EIPR1: variants seen among roughly 807,000 people sequenced by gnomAD.
EIPR1 encodes the protein EARP complex and GARP complex interacting protein 1.
In EIPR1, 25 loss-of-function variants were observed where a neutral mutation model predicts 48.1. That is an observed-to-expected ratio of 0.52 (90% CI 0.38 to 0.73). The LOEUF (loss-of-function observed/expected upper bound fraction) is 0.73. Ranked by LOEUF, EIPR1 falls within the 30% of genes least tolerant of loss-of-function variation. The pLI is 0.00. For synonymous variants in EIPR1, 204 were observed against 201.9 expected, an observed-to-expected ratio of 1.01 and a Z score of -0.09; for missense variants, 415 against 506.2, an observed-to-expected ratio of 0.82 and a Z score of 1.73.
chr2:3,257,114 C>A, intron 4 of EIPR1, among the ~76,000 whole-genome samples, 185 bp downstream of exon 4: 1 of 152,188 alleles, frequency 6.6e-6, no homozygotes, highest in East Asian at 1.9e-4. Context: ...GGCTACATTT[C>A]TGTCAATGCG....
At chr2:3,337,930 G>A (rs1670115468) in intron 3 of EIPR1, 87 bp downstream of exon 3, 1 of 1,421,826 alleles carries the variant, frequency 7.0e-7, no homozygotes, top group Non-Finnish European at 9.5e-7. Context: ...TCAGTCATGT[G>A]TCGACCCATT....
At chr2:3,273,691 TG>T (rs984896015) in intron 3 of EIPR1, among the ~76,000 whole-genome samples, 7 of 152,262 alleles carry the variant, frequency 4.6e-5, no homozygotes, top group Non-Finnish European at 1.0e-4. Flanking sequence ...AAAGAAGTCC[TG>T]GGTTTTGGGC....
At chr2:3,325,283 C>T (rs1000552836) in intron 3 of EIPR1, among the ~76,000 whole-genome samples, 3 of 152,202 alleles carry the variant, frequency 2.0e-5, no homozygotes, top group African/African-American at 4.8e-5. Flanking sequence ...GTGCAGAGCA[C>T]GCCTGATGCT....
intron 3 of EIPR1, among the ~76,000 whole-genome samples, chr2:3,287,949 C>T (rs530176984): frequency 6.6e-6 from 1 of 152,230 alleles, no homozygotes; most frequent in Non-Finnish European, 1.5e-5. Flanking sequence ...GCAGAGGGTA[C>T]TGAGTAAGGA....
intron 4 of EIPR1, among the ~76,000 whole-genome samples, chr2:3,250,828 T>C (rs1181498589): frequency 6.6e-6 from 1 of 152,218 alleles, no homozygotes; most frequent in Non-Finnish European, 1.5e-5. Flanking sequence ...ACAAGTGATG[T>C]CCTGGCTCCC....
chr2:3,341,744 G>A (rs1670258452), intron 2 of EIPR1, among the ~76,000 whole-genome samples: 2 of 152,006 alleles, frequency 1.3e-5, no homozygotes, highest in Non-Finnish European at 2.9e-5. Flanking sequence ...TGGGGGGTAC[G>A]TGGGCGTGGG....
At chr2:3,208,864 C>A in intron 5 of EIPR1, 1 of 1,550,060 alleles carries the variant, frequency 6.5e-7, no homozygotes, top group Non-Finnish European at 8.7e-7. Context: ...TTCCCCGACT[C>A]CAGTGTTCCT....
intron 3 of EIPR1, among the ~76,000 whole-genome samples, chr2:3,328,135 C>T (rs1428690175): frequency 1.3e-5 from 2 of 152,168 alleles, no homozygotes; most frequent in African/African-American, 2.4e-5. Context: ...GTGTTGGCAC[C>T]GTTCCCTGGA....
chr2:3,362,457 C>T (rs913079004), intron 1 of EIPR1, among the ~76,000 whole-genome samples: 2 of 152,194 alleles, frequency 1.3e-5, no homozygotes, highest in East Asian at 1.9e-4. Context: ...CTGACTGAGT[C>T]CATGTTCCAG....
In EIPR1 at chr2:3,305,976, T is replaced by TC. The variant is rs374541528; in HGVS notation, c.259+32040dup. On this transcript the variant is annotated intron_variant, in intron 3 of 8. Transcript: ENST00000382125. ...GACCTGAAAATTTCAAATCGCTGCT[T>TC]CCCCCCTTTCTACTGAGTTCCGAGG... 6.8e-4 allele frequency among the ~76,000 whole-genome samples: 103 copies of TC among 152,212 alleles called. 1 individual carries two copies. Among genetic ancestry groups the TC allele is most frequent in the African/African-American group, 2.2e-3 (93 of 41,532 alleles).
At chr2:3,376,176 G>A (rs1207904787) in intron 1 of EIPR1, among the ~76,000 whole-genome samples, 1 of 152,084 alleles carries the variant, frequency 6.6e-6, no homozygotes, top group Admixed American at 6.6e-5. Flanking sequence ...AACACACTAT[G>A]CACCAGGCAC....
chr2:3,358,623 G>A (rs142461723), intron 1 of EIPR1, among the ~76,000 whole-genome samples: 5 of 152,318 alleles, frequency 3.3e-5, no homozygotes, highest in Non-Finnish European at 5.9e-5. Flanking sequence ...TGCCAAAAAG[G>A]TGCATATATG....
At chr2:3,231,506 A>T (rs964372830) in intron 4 of EIPR1, among the ~76,000 whole-genome samples, 1 of 152,206 alleles carries the variant, frequency 6.6e-6, no homozygotes, top group African/African-American at 2.4e-5. Context: ...ATGTTGAGGT[A>T]AATTACTTCT....
rs1302545823 is a variant in EIPR1, at chr2:3,312,549, C to A, written c.259+25468G>T. Among the ~76,000 whole-genome samples, 1 of 152,198 alleles carries A rather than the reference C, an allele frequency of 6.6e-6. No homozygotes were observed. The highest frequency in any genetic ancestry group is 1.5e-5 in the Non-Finnish European group (1 of 68,038). On this transcript the variant is annotated intron_variant, in intron 3 of 8. Transcript: ENST00000382125. The surrounding 1 kb of genome is among the most constrained non-coding windows in gnomAD (Gnocchi z 5.5). ...CAAGGCTCCCTCCCACCACTCAGCA[C>A]CTGCTCATCATTGTCAGCATGTTTC...
intron 3 of EIPR1, among the ~76,000 whole-genome samples, chr2:3,327,170 T>C (rs116361053): frequency 0.013 from 1,918 of 152,290 alleles, 35 homozygotes; most frequent in African/African-American, 0.044. Context: ...GGATATGCCA[T>C]AGATGTCATG....
At position 3,267,818 on chromosome 2, in the gene EIPR1, C is replaced by T. The variant is rs536516246; in HGVS notation, c.260-10363G>A. ...ACAGAGAAGAATATGAGACAGAGAC[C>T]GAATGGCCTACAAAGCCTAAAATAT... On this transcript the variant is annotated intron_variant, in intron 3 of 8. Transcript: ENST00000382125. Among the ~76,000 whole-genome samples the T allele has an allele frequency of 1.8e-4, 27 of 152,322 alleles. No homozygotes were observed. The South Asian group carries it at 5.0e-3, about 28-fold the overall frequency.
chr2:3,296,216 GAC>G (rs1668586649), intron 3 of EIPR1, among the ~76,000 whole-genome samples: 1 of 16,386 alleles, frequency 6.1e-5, no homozygotes. Context: ...TCTCTACACA[GAC>G]ACCCTCCATC....
At chr2:3,316,340 A>G (rs1003878164) in intron 3 of EIPR1, among the ~76,000 whole-genome samples, 1 of 151,724 alleles carries the variant, frequency 6.6e-6, no homozygotes, top group Non-Finnish European at 1.5e-5. Context: ...CAGAGGAACA[A>G]TCTCCTCACC....
intron 5 of EIPR1, chr2:3,208,928 C>T (rs777997977): frequency 9.5e-5 from 145 of 1,530,826 alleles, no homozygotes; most frequent in South Asian, 7.9e-4. Flanking sequence ...GGTCCGTGCA[C>T]GCTCCTTCAG....
Sources: allele counts gnomAD v4.1 joint callset (sites outside exome capture counted in the v4.1 genomes callset), GRCh38; gene constraint gnomAD v4.1.1; non-coding constraint Gnocchi (gnomAD v3.1); transcripts MANE v1.5; gene names NCBI Gene and HGNC (gene_info 2026-07-23, HGNC 2026-07-21).